The following NEDD4L variants were observed in gnomAD, a reference collection of about 807,000 sequenced individuals.
NEDD4L encodes the protein NEDD4 like E3 ubiquitin protein ligase.
Under a neutral mutation model 148.9 loss-of-function variants are expected in NEDD4L, and 54 were observed. That is an observed-to-expected ratio of 0.36 (90% CI 0.29 to 0.45). The LOEUF is 0.45. Among genes scored for constraint, NEDD4L ranks in the 20% least tolerant of loss-of-function variants. NEDD4L has a pLI of 1.00. For synonymous variants in NEDD4L, 433 were observed against 440.7 expected (o/e 0.98, Z 0.22); for missense variants, 856 against 1,233.8 (o/e 0.69, Z 4.59).
At chr18:58,194,366 C>A (rs764248577) in intron 2 of NEDD4L, among the ~76,000 whole-genome samples, 3 of 152,174 alleles carry the variant, frequency 2.0e-5, no homozygotes, top group Non-Finnish European at 2.9e-5. Context: ...ATGCCCTGGT[C>A]GTTCTTATCT....
At chr18:58,317,073 G>A (rs981037020) in intron 6 of NEDD4L, among the ~76,000 whole-genome samples, 4 of 152,268 alleles carry the variant, frequency 2.6e-5, no homozygotes, top group African/African-American at 9.6e-5. Context: ...GAAGGAAGGT[G>A]ATAGCAAGTA....
intron 1 of NEDD4L, among the ~76,000 whole-genome samples, chr18:58,061,785 C>T (rs1234254271): frequency 6.6e-6 from 1 of 152,080 alleles, no homozygotes; most frequent in Non-Finnish European, 1.5e-5. Flanking sequence ...AATTACTATC[C>T]CTTTGGGATA....
chr18:58,385,401 A>T, intron 25 of NEDD4L, 125 bp from the exon 26 acceptor site: 2 of 796,572 alleles, frequency 2.5e-6, no homozygotes, highest in African/African-American at 1.7e-5. Context: ...CAGTGGGGGC[A>T]CAGAGGAGAC....
At chr18:58,162,443 T>C (rs1418519385) in intron 1 of NEDD4L, among the ~76,000 whole-genome samples, 4 of 152,034 alleles carry the variant, frequency 2.6e-5, no homozygotes, top group Non-Finnish European at 5.9e-5. Context: ...TCAGCTCCAG[T>C]GTCTTTTCGC....
chr18:58,292,463 C>T (rs527365405), intron 5 of NEDD4L, among the ~76,000 whole-genome samples: 1 of 152,312 alleles, frequency 6.6e-6, no homozygotes, highest in African/African-American at 2.4e-5. Flanking sequence ...TCACCCGCCA[C>T]CTCACTTCTC....
chr18:58,301,890 G>A (rs1244316997), intron 5 of NEDD4L, among the ~76,000 whole-genome samples: 1 of 152,192 alleles, frequency 6.6e-6, no homozygotes, highest in Non-Finnish European at 1.5e-5. Context: ...CATGCCCTTT[G>A]ATTCCCTACA....
At chr18:58,368,174 T>A (rs2046359098) in intron 22 of NEDD4L, among the ~76,000 whole-genome samples, 3 of 152,226 alleles carry the variant, frequency 2.0e-5, no homozygotes. Context: ...TGATAACAGA[T>A]GGAAAAACTA....
At chr18:58,375,129 C>T (rs1226564002) in intron 24 of NEDD4L, among the ~76,000 whole-genome samples, 2 of 152,074 alleles carry the variant, frequency 1.3e-5, no homozygotes, top group Admixed American at 6.5e-5. Flanking sequence ...CTCCTCATGC[C>T]ATCTCCCCTC....
At position 58,335,499 on chromosome 18, in the gene NEDD4L, G is replaced by A. The variant is rs2041622718; in HGVS notation, c.1087G>A (p.Ala363Thr). ...LPPPSAPAGRARSSTVTGGEE... is the reference protein window; with the variant it reads ...LPPPSAPAGRTRSSTVTGGEE... ...ACAGCCCAGTGCCCCAGCTGGGAGA[G>A]CGCGTTCATCAACTGTCACGGGTGG... Residue 363 changes from alanine to threonine, a missense_variant, in exon 13 of 31, where the codon GCG becomes ACG. Ala to Thr is a moderately conservative substitution (Grantham distance 58). Around this residue, in one of 4 missense-constraint regions of NEDD4L, gnomAD observed 367 missense variants for 422.7 expected, o/e 0.87. Transcript: ENST00000400345. 2.5e-6 allele frequency: 4 copies of A among 1,613,808 alleles called. No individual in the cohort carries two copies. In the East Asian group the frequency reaches 8.9e-5, roughly 36 times the overall value.
intron 11 of NEDD4L, among the ~76,000 whole-genome samples, chr18:58,332,432 G>T (rs59150834): frequency 6.6e-6 from 1 of 152,176 alleles, no homozygotes; most frequent in African/African-American, 2.4e-5. Flanking sequence ...CGGATCACCT[G>T]AGGTCAGGAG....
intron 5 of NEDD4L, among the ~76,000 whole-genome samples, chr18:58,273,815 A>G (rs17064625): frequency 0.18 from 27,712 of 152,172 alleles, 2,654 homozygotes; most frequent in African/African-American, 0.19. Flanking sequence ...GCGGATTTTA[A>G]GTCCATCTTT....
chr18:58,060,414 A>G (rs924609809), intron 1 of NEDD4L, among the ~76,000 whole-genome samples: 2 of 152,092 alleles, frequency 1.3e-5, no homozygotes, highest in Admixed American at 6.5e-5. Flanking sequence ...GGGCCCGGCA[A>G]TCTGGGCTTT....
chr18:58,386,945 C>G (rs1204305816), intron 26 of NEDD4L, among the ~76,000 whole-genome samples: 1 of 152,206 alleles, frequency 6.6e-6, no homozygotes, highest in African/African-American at 2.4e-5. Flanking sequence ...CGCGCAGGGC[C>G]CAGCAGAGCT....
intron 2 of NEDD4L, among the ~76,000 whole-genome samples, chr18:58,200,380 T>C (rs2041252866): frequency 7.7e-6 from 1 of 129,676 alleles, no homozygotes; most frequent in Non-Finnish European, 1.6e-5. Context: ...AGCTGGACAA[T>C]GGGACTTGTC....
intron 1 of NEDD4L, among the ~76,000 whole-genome samples, chr18:58,084,972 G>A (rs2083681814): frequency 6.6e-6 from 1 of 152,092 alleles, no homozygotes; most frequent in African/African-American, 2.4e-5. Context: ...TAGGATTGCA[G>A]GTGTGAGCCA....
chr18:58,128,871 G>T (rs768094843), intron 1 of NEDD4L, among the ~76,000 whole-genome samples: 61 of 152,180 alleles, frequency 4.0e-4, no homozygotes, highest in Non-Finnish European at 3.1e-4. Flanking sequence ...CGAGCTCACG[G>T]TACTGTTAAT....
chr18:58,085,152 G>C (rs113978834), intron 1 of NEDD4L, among the ~76,000 whole-genome samples: 3,336 of 152,334 alleles, frequency 0.022, 107 homozygotes, highest in African/African-American at 0.076. Flanking sequence ...TTCTGAGGTA[G>C]TGAAGGTTAA....
intron 1 of NEDD4L, among the ~76,000 whole-genome samples, chr18:58,107,856 G>A (rs552457637): frequency 2.6e-5 from 4 of 152,112 alleles, no homozygotes; most frequent in Non-Finnish European, 4.4e-5. Context: ...GGGACTACAG[G>A]TACGCATGCC....
intron 5 of NEDD4L, chr18:58,255,438 C>T: frequency 8.7e-7 from 1 of 1,143,090 alleles, no homozygotes; most frequent in Non-Finnish European, 1.1e-6. Flanking sequence ...TGGATGAGAG[C>T]TTTTTGCTCT....
Sources: allele counts gnomAD v4.1 joint callset (sites outside exome capture counted in the v4.1 genomes callset), GRCh38; gene constraint gnomAD v4.1.1; regional missense constraint gnomAD v4.1.1; transcripts MANE v1.5; gene names NCBI Gene and HGNC (gene_info 2026-07-23, HGNC 2026-07-21).